The following CACHD1 variants were observed in gnomAD, a reference collection of about 807,000 sequenced individuals.
CACHD1 encodes the protein cache domain containing 1, also known as VWFA and cache domain-containing protein 1.
A neutral mutation model predicts 138.7 loss-of-function variants in CACHD1; 71 were observed. The ratio of observed to expected loss-of-function variants is 0.51; its 90% confidence interval spans 0.42 to 0.62. The LOEUF is 0.62. Ranked by LOEUF, CACHD1 falls within the 20% of genes least tolerant of loss-of-function variation. CACHD1 has a pLI of 0.00. For missense variants in CACHD1, 1,389 were observed against 1,625.3 expected, an observed-to-expected ratio of 0.85 and a Z score of 2.50; for synonymous variants, 578 against 591.5, an observed-to-expected ratio of 0.98 and a Z score of 0.33.
At chr1:64,666,334 AG>A (rs1649632332) in intron 16 of CACHD1, among the ~76,000 whole-genome samples, 167 bp downstream of exon 16, 1 of 152,180 alleles carries the variant, frequency 6.6e-6, no homozygotes, top group African/African-American at 2.4e-5. Context: ...TCAATTCCGT[AG>A]CTTTCTCCTG....
intron 1 of CACHD1, among the ~76,000 whole-genome samples, chr1:64,522,236 C>T (rs747682591): frequency 2.8e-4 from 42 of 152,256 alleles, no homozygotes; most frequent in Admixed American, 5.2e-4. Flanking sequence ...GGTTTTGGCA[C>T]CCTTCAAGAC....
chr1:64,577,450 G>C (rs1027756270), intron 2 of CACHD1, among the ~76,000 whole-genome samples: 16 of 152,202 alleles, frequency 1.1e-4, no homozygotes, highest in African/African-American at 3.9e-4. Context: ...GAAAAGAAAT[G>C]TGGGGAGAGG....
intron 1 of CACHD1, among the ~76,000 whole-genome samples, chr1:64,547,386 A>G (rs1257518463): frequency 6.6e-6 from 1 of 152,024 alleles, no homozygotes; most frequent in African/African-American, 2.4e-5. Flanking sequence ...TTTTTCTGAG[A>G]CAGAGTTTCG....
chr1:64,658,949 C>T (rs1168592413), intron 13 of CACHD1, 76 bp downstream of exon 13: 1 of 1,256,624 alleles, frequency 8.0e-7, no homozygotes, highest in Non-Finnish European at 1.1e-6. Context: ...ACCATCCACC[C>T]CACCCCTCCA....
intron 1 of CACHD1, among the ~76,000 whole-genome samples, chr1:64,531,727 A>T (rs1646587953): frequency 6.6e-6 from 1 of 152,196 alleles, no homozygotes. Flanking sequence ...TTGTTGCTCA[A>T]ACATGGAGAA....
intron 26 of CACHD1, among the ~76,000 whole-genome samples, chr1:64,690,903 A>G (rs1246630023): frequency 6.6e-6 from 1 of 152,144 alleles, no homozygotes; most frequent in African/African-American, 2.4e-5. Context: ...GAAGCTGTCC[A>G]TTTTTTGGAT....
At chr1:64,510,128 C>A (rs867985744) in intron 1 of CACHD1, among the ~76,000 whole-genome samples, 2 of 152,140 alleles carry the variant, frequency 1.3e-5, no homozygotes, top group South Asian at 2.1e-4. Context: ...CAGGTGAATT[C>A]TCAGTGCTGG....
intron 5 of CACHD1, among the ~76,000 whole-genome samples, chr1:64,630,017 A>G (rs1355146651): frequency 6.6e-6 from 1 of 152,190 alleles, no homozygotes; most frequent in Non-Finnish European, 1.5e-5. Context: ...AGATTCTACC[A>G]TGTAGCCAGA....
intron 2 of CACHD1, among the ~76,000 whole-genome samples, chr1:64,561,874 A>AAAAG (rs1254046981): frequency 6.6e-6 from 1 of 151,138 alleles, no homozygotes; most frequent in African/African-American, 2.4e-5. Flanking sequence ...AAAAAAAAAA[A>AAAAG]AGTTTCTATT....
In CACHD1 at chr1:64,652,316, CT is replaced by C. The variant is rs1443815561; in HGVS notation, c.1540+7del. 1 of 1,599,014 alleles carries C rather than the reference CT, an allele frequency of 6.3e-7. No homozygotes were observed. The highest frequency in any genetic ancestry group is 2.2e-5 in the East Asian group (1 of 44,518). ...TTTTCTCATAGACGACAAAGGTAAT[CT>C]GCTAAATGTTCATCCTAAGAATACT... On this transcript the variant is annotated splice_region_variant and intron_variant, in intron 10 of 26. Coordinates refer to ENST00000651257, the MANE Select transcript of CACHD1 (RefSeq NM_020925.4).
chr1:64,588,624 C>G (rs546258767), intron 3 of CACHD1, among the ~76,000 whole-genome samples: 70 of 152,144 alleles, frequency 4.6e-4, no homozygotes, highest in Middle Eastern at 3.4e-3. Flanking sequence ...GTGATCTACC[C>G]GCCTCAGCCT....
Position 64,647,922 on chromosome 1 carries a change from G to T in CACHD1, c.1278G>T (p.Leu426=). ...TGATTAAGGGCAGCATGATGGTGCT[G>T]AATCAGTTGAGCAACCTGGAGACCA... ...LPVIKGSMMV[L]NQLSNLETTV... The change falls in exon 9 of 27, where the codon CTG becomes CTT. Residue 426 remains leucine (L), a synonymous_variant. Coordinates refer to ENST00000651257, the MANE Select transcript of CACHD1 (RefSeq NM_020925.4). 6.2e-7 allele frequency: 1 copy of T among 1,614,114 alleles called. No homozygotes were observed. The highest frequency in any genetic ancestry group is 2.2e-5 in the East Asian group (1 of 44,868).
chr1:64,666,209 CA>C (rs10713356), intron 16 of CACHD1, 42 bp downstream of exon 16: 185,135 of 1,317,828 alleles, frequency 0.14, 27,648 homozygotes, highest in East Asian at 0.69. Context: ...TTAAATATAT[CA>C]AGGATATTTT....
intron 1 of CACHD1, among the ~76,000 whole-genome samples, chr1:64,520,978 A>G (rs1312239172): frequency 6.6e-6 from 1 of 152,228 alleles, no homozygotes; most frequent in African/African-American, 2.4e-5. Context: ...CTATTGCTGC[A>G]TAACAACTTA....
At chr1:64,640,414 G>A (rs372460469) in intron 7 of CACHD1, among the ~76,000 whole-genome samples, 13 of 149,308 alleles carry the variant, frequency 8.7e-5, no homozygotes, top group African/African-American at 3.1e-4. Flanking sequence ...GGTGGCTCAC[G>A]CCTGTAATCC....
chr1:64,477,598 TTA>T, intron 1 of CACHD1, among the ~76,000 whole-genome samples: 1 of 142,976 alleles, frequency 7.0e-6, no homozygotes, highest in Non-Finnish European at 1.5e-5. Context: ...ATTATTATTA[TTA>T]TTATTATTAT....
chr1:64,514,220 C>T (rs1472694581), intron 1 of CACHD1, among the ~76,000 whole-genome samples: 1 of 152,182 alleles, frequency 6.6e-6, no homozygotes, highest in Non-Finnish European at 1.5e-5. Flanking sequence ...TCTCCAGGGT[C>T]TTCAGCTAAA....
intron 5 of CACHD1, 39 bp downstream of exon 5, chr1:64,629,520 T>C (rs1557527489): frequency 6.3e-7 from 1 of 1,599,556 alleles, no homozygotes; most frequent in Non-Finnish European, 8.5e-7. Context: ...AATTATTGCT[T>C]AAGAGTGATC....
chr1:64,665,634 G>A (rs1263418505), intron 15 of CACHD1, among the ~76,000 whole-genome samples: 1 of 152,148 alleles, frequency 6.6e-6, no homozygotes, highest in South Asian at 2.1e-4. Context: ...GCATTTCAGT[G>A]TAACACAAAC....
Sources: gnomAD v4.1 joint callset for allele counts (sites outside exome capture counted in the v4.1 genomes callset) on GRCh38, gnomAD v4.1.1 for gene constraint, MANE v1.5 for transcripts, NCBI Gene and HGNC (gene_info 2026-07-23, HGNC 2026-07-21) for gene names.